ARAP1: variants seen among roughly 807,000 people sequenced by gnomAD.
ARAP1 encodes ArfGAP with RhoGAP domain, ankyrin repeat and PH domain 1.
ARAP1 carries 76 observed loss-of-function variants against 172.2 expected under a neutral mutation model. The observed-to-expected ratio is 0.44, with a 90% CI of 0.37 to 0.53. The LOEUF is 0.53. Ranked by LOEUF, ARAP1 falls within the 20% of genes least tolerant of loss-of-function variation. The pLI, the probability that ARAP1 is intolerant of heterozygous loss-of-function variation, is 0.00. For synonymous variants in ARAP1, 804 were observed against 803.3 expected (o/e 1.00, Z -0.01); for missense variants, 1,686 against 1,977.5 (o/e 0.85, Z 2.80).
At position 72,692,788 on chromosome 11, in the gene ARAP1, G is replaced by A. The variant is rs746381074; in HGVS notation, c.3955-3C>T. ...GCCCCGCTCCACGGCCTCTGGCTCT[G>A]TTTGATAGAGGATCAGGGTTATGGA... On this transcript the variant is annotated splice_polypyrimidine_tract_variant and splice_region_variant and intron_variant, in intron 29 of 34. Transcript: ENST00000393609. 5.0e-6 allele frequency: 8 copies of A among 1,613,578 alleles called. No homozygotes were observed. Among genetic ancestry groups the A allele is most frequent in the Middle Eastern group, 1.6e-4 (1 of 6,062 alleles).
intron 12 of ARAP1, among the ~76,000 whole-genome samples, chr11:72,706,576 A>G (rs1401491205): frequency 1.3e-5 from 2 of 152,214 alleles, no homozygotes; most frequent in Non-Finnish European, 2.9e-5. Context: ...TCATCCAGTC[A>G]GTCAGAGAGT....
chr11:72,721,282 A>G lies in ARAP1; in HGVS notation c.509+5338T>C, dbSNP rs1412467156. Among the ~76,000 whole-genome samples, 120 of 152,132 alleles carry G rather than the reference A, an allele frequency of 7.9e-4. 1 individual carries two copies. Among genetic ancestry groups the G allele is most frequent in the Admixed American group, 7.9e-3 (120 of 15,282 alleles). The stretch of plus-strand genomic sequence containing the variant: ...CTCAGGAAAGGGGAGACCAGCCCCC[A>G]CACTCCATAAGCACCCACCACAGCA... On this transcript the variant is annotated intron_variant, in intron 3 of 34. Transcript: ENST00000393609.
At chr11:72,698,913 A>G (rs1856339583) in intron 18 of ARAP1, 92 bp downstream of exon 18, 2 of 1,323,690 alleles carry the variant, frequency 1.5e-6, no homozygotes, top group Admixed American at 1.7e-5. Flanking sequence ...TCTGCTCTCT[A>G]GACGGGGGAG....
At chr11:72,745,142 C>T (rs541128558) in intron 1 of ARAP1, among the ~76,000 whole-genome samples, 8 of 150,970 alleles carry the variant, frequency 5.3e-5, no homozygotes, top group Non-Finnish European at 8.8e-5. Flanking sequence ...AACAAACTTG[C>T]ATTTAAGCTG....
At chr11:72,733,712 T>C (rs565778839) in intron 1 of ARAP1, among the ~76,000 whole-genome samples, 66 of 152,350 alleles carry the variant, frequency 4.3e-4, no homozygotes, top group African/African-American at 1.6e-3. Context: ...TAGGTATTCA[T>C]GAACATTTTA....
At chr11:72,702,870 C>G (rs1460179412) in intron 15 of ARAP1, 35 bp downstream of exon 15, 1 of 1,549,064 alleles carries the variant, frequency 6.5e-7, no homozygotes, top group African/African-American at 1.4e-5. Context: ...AGGCACTGCA[C>G]AGCCTGGTGG....
intron 1 of ARAP1, among the ~76,000 whole-genome samples, chr11:72,750,610 C>T (rs1269141760): frequency 6.6e-6 from 1 of 152,306 alleles, no homozygotes; most frequent in South Asian, 2.1e-4. Context: ...AGCAGATAGG[C>T]CTGACTATTG....
chr11:72,704,072 T>C lies in ARAP1; in HGVS notation c.1992+80A>G, dbSNP rs953714118. The C allele has an allele frequency of 7.1e-6, 11 of 1,552,094 alleles. No individual in the cohort carries two copies. The African/African-American group carries it at 9.5e-5, about 13-fold the overall frequency. On this transcript the variant is annotated intron_variant, in intron 14 of 34. Coordinates refer to ENST00000393609, the MANE Select transcript of ARAP1 (RefSeq NM_001040118.3). ...CATCTCCCTGAGCTGGTAGATGAGATGGGTTAAGACAGCATGAGGAACAGG... is the reference window on the plus strand; with the variant it reads ...CATCTCCCTGAGCTGGTAGATGAGACGGGTTAAGACAGCATGAGGAACAGG...
At chr11:72,686,217 G>A (rs767875261) in intron 33 of ARAP1, 26 bp from the exon 34 acceptor site, 2 of 1,601,048 alleles carry the variant, frequency 1.2e-6, no homozygotes, top group South Asian at 2.2e-5. Flanking sequence ...GAAGGGGCTG[G>A]GCTCAGCTTC....
rs1429040874 is a variant in ARAP1, at chr11:72,699,436, G to T, written c.2419C>A (p.Pro807Thr). The change falls in exon 17 of 35, where the codon CCC becomes ACC. Residue 807 changes from proline (P) to threonine (T), a missense_variant. Transcript: ENST00000393609. The surrounding 1 kb of genome is among the most constrained non-coding windows in gnomAD (Gnocchi z 4.2). The stretch of plus-strand genomic sequence containing the variant: ...ACTCACCCATGGGTGTCAGGAGGGG[G>T]CACTGCCAGGCACACAATCTCGCTG... ...RASEIVCLAV[P>T]PPDTHGFEHT... The T allele has an allele frequency of 6.2e-7, 1 of 1,613,980 alleles. No individual in the cohort carries two copies. Among genetic ancestry groups the T allele is most frequent in the Non-Finnish European group, 8.5e-7 (1 of 1,180,032 alleles).
chr11:72,687,704 G>A lies in ARAP1; in HGVS notation c.4105C>T (p.His1369Tyr). ...GFTVVHETEK[H>Y]EKQQWYLCCD... Reference sequence around the variant, plus strand: ...CTCACTCACCACTGCTGCTTCTCATGTTTCTCTGTCTCATGCACCACTGTG... The same window carrying A: ...CTCACTCACCACTGCTGCTTCTCATATTTCTCTGTCTCATGCACCACTGTG... The change falls in exon 32 of 35, where the codon CAT (histidine) becomes TAT (tyrosine). Residue 1369 changes from histidine (H) to tyrosine (Y), a missense_variant. By Grantham distance (83) the His-to-Tyr change is moderately conservative (BLOSUM62 2). Transcript: ENST00000393609. 1 of 1,614,180 alleles carries A rather than the reference G, an allele frequency of 6.2e-7. No individual in the cohort carries two copies. Among genetic ancestry groups the A allele is most frequent in the Non-Finnish European group, 8.5e-7 (1 of 1,180,042 alleles).
chr11:72,697,394 G>T lies in ARAP1; in HGVS notation c.2882C>A (p.Ser961Ter). The T allele has an allele frequency of 6.2e-7, 1 of 1,611,460 alleles. No homozygotes were observed. The highest frequency in any genetic ancestry group is 1.6e-4 in the Middle Eastern group (1 of 6,062). The change falls in exon 21 of 35, where the codon TCG becomes TAG. Residue 961 changes from serine (S) to a stop codon, truncating the protein, a stop_gained. Transcript: ENST00000393609. LOFTEE classifies it high-confidence loss of function. ...KAAASMGDTL[S>*]EQQLGDSDIP... ...ATCCGAGTCCCCAAGCTGCTGCTCC[G>T]ACAGCGTGTCCCCCATGCTGGCGGC...
intron 23 of ARAP1, among the ~76,000 whole-genome samples, 166 bp from the exon 24 acceptor site, chr11:72,696,031 G>A (rs955388013): frequency 1.3e-5 from 2 of 152,184 alleles, no homozygotes; most frequent in African/African-American, 4.8e-5. Flanking sequence ...GTAGGAGCAG[G>A]ACTGGGAAGC....
chr11:72,687,649 T>C, intron 32 of ARAP1, 39 bp downstream of exon 32: 4 of 1,614,036 alleles, frequency 2.5e-6, no homozygotes, highest in Non-Finnish European at 3.4e-6. Flanking sequence ...GCCACCATCT[T>C]TCCTCAGCCT....
rs1448439414 is a variant in ARAP1, at chr11:72,697,202, A to G, written c.2954-7T>C. Reference sequence around the variant, plus strand: ...ATGCCCTCGGAGGTCAGGCCTAGGGAGGGGCGGGGCCAAGCGTTCGGGGCC... The same window carrying G: ...ATGCCCTCGGAGGTCAGGCCTAGGGGGGGGCGGGGCCAAGCGTTCGGGGCC... On this transcript the variant is annotated splice_polypyrimidine_tract_variant and splice_region_variant and intron_variant, in intron 21 of 34. Coordinates refer to ENST00000393609, the MANE Select transcript of ARAP1 (RefSeq NM_001040118.3). 1 of 1,505,196 alleles carries G rather than the reference A, an allele frequency of 6.6e-7. No individual in the cohort carries two copies. 93.2% of individuals were successfully genotyped at this position (1,505,196 alleles called of 1,614,324 possible).
chr11:72,747,020 C>G (rs2135596081), intron 1 of ARAP1, among the ~76,000 whole-genome samples: 1 of 152,300 alleles, frequency 6.6e-6, no homozygotes, highest in Non-Finnish European at 1.5e-5. Flanking sequence ...AGCCGAAATG[C>G]AGTGGCAGCT....
intron 1 of ARAP1, among the ~76,000 whole-genome samples, chr11:72,735,835 C>T (rs1253464065): frequency 1.3e-5 from 2 of 152,176 alleles, no homozygotes; most frequent in African/African-American, 4.8e-5. Flanking sequence ...GGCACTGACA[C>T]CTCTTTGGAA....
Position 72,695,937 on chromosome 11 carries a change from T to C in ARAP1, c.3273-72A>G. The C allele has an allele frequency of 1.3e-6, 2 of 1,526,164 alleles. No homozygotes were observed. The highest frequency in any genetic ancestry group is 1.8e-6 in the Non-Finnish European group (2 of 1,137,622). The allele number at this position is 1,526,164 out of a possible 1,614,324, so 94.5% of individuals were successfully genotyped here. On this transcript the variant is annotated intron_variant, in intron 23 of 34. Coordinates refer to ENST00000393609, the MANE Select transcript of ARAP1 (RefSeq NM_001040118.3). The surrounding 1 kb of genome is among the most constrained non-coding windows in gnomAD (Gnocchi z 4.4). ...CTTCCCATCTCACCCTATTAATTTCTGACAGGTCCAAGACTGGTCTGGTCA... is the reference window on the plus strand; with the variant it reads ...CTTCCCATCTCACCCTATTAATTTCCGACAGGTCCAAGACTGGTCTGGTCA...
intron 30 of ARAP1, among the ~76,000 whole-genome samples, chr11:72,690,700 C>T (rs942870627): frequency 6.6e-6 from 1 of 152,210 alleles, no homozygotes; most frequent in Non-Finnish European, 1.5e-5. Flanking sequence ...TCTAATCAGA[C>T]GGCTCATGTT....
Sources: gnomAD v4.1 joint callset for allele counts (sites outside exome capture counted in the v4.1 genomes callset) on GRCh38, gnomAD v4.1.1 for gene constraint, Gnocchi (gnomAD v3.1) non-coding constraint, MANE v1.5 for transcripts, NCBI Gene and HGNC (gene_info 2026-07-23, HGNC 2026-07-21) for gene names.